Variants in PRELID2 observed in about 807,000 individuals in gnomAD.
PRELID2 encodes the protein PRELI domain containing 2, also known as PRELI domain-containing protein 2.
A neutral mutation model predicts 28.4 loss-of-function variants in PRELID2; 25 were observed. That is an observed-to-expected ratio of 0.88 (90% CI 0.64 to 1.23). PRELID2 has a LOEUF of 1.23. Ranked by LOEUF, PRELID2 falls within the 50% of genes most tolerant of loss-of-function variation. The pLI is 0.00. For synonymous variants in PRELID2, 76 were observed against 71.6 expected (o/e 1.06, Z -0.31); for missense variants, 201 against 214.4 (o/e 0.94, Z 0.39).
intron 5 of PRELID2, among the ~76,000 whole-genome samples, chr5:145,766,826 G>T (rs1446918161): frequency 6.6e-6 from 1 of 152,090 alleles, no homozygotes; most frequent in African/African-American, 2.4e-5. Flanking sequence ...TGGGATTAGT[G>T]CTTTCTATAC....
intron 1 of PRELID2, among the ~76,000 whole-genome samples, chr5:145,629,803 C>A (rs1434822110): frequency 6.6e-6 from 1 of 152,072 alleles, no homozygotes; most frequent in Non-Finnish European, 1.5e-5. Flanking sequence ...AAAATGCCTC[C>A]TTCGTAATGC....
chr5:145,385,183 T>C, the PRELID2 span, among the ~76,000 whole-genome samples: 1 of 152,330 alleles, frequency 6.6e-6, no homozygotes, highest in Admixed American at 6.5e-5. Flanking sequence ...TCCATAAAAG[T>C]ATTTAAAATT....
At chr5:145,801,791 T>C (rs1234604963) in intron 4 of PRELID2, among the ~76,000 whole-genome samples, 3 of 152,196 alleles carry the variant, frequency 2.0e-5, no homozygotes, top group African/African-American at 7.2e-5. Flanking sequence ...CTTAGCAACA[T>C]GTTAGATGGT....
At chr5:145,536,479 C>T (rs1752699698) in intron 1 of PRELID2, among the ~76,000 whole-genome samples, 1 of 151,928 alleles carries the variant, frequency 6.6e-6, no homozygotes, top group African/African-American at 2.4e-5. Context: ...AACTCTCAAC[C>T]TTGCACTACT....
intron 4 of PRELID2, among the ~76,000 whole-genome samples, chr5:145,813,249 G>T (rs115397818): frequency 0.015 from 2,318 of 152,252 alleles, 43 homozygotes; most frequent in African/African-American, 0.048. Context: ...ATTACTCTCA[G>T]ATTTCCTTAG....
At chr5:145,328,430 A>T in the PRELID2 span, among the ~76,000 whole-genome samples, 57 of 152,288 alleles carry the variant, frequency 3.7e-4, no homozygotes, top group African/African-American at 1.3e-3. Context: ...ATTTCTCCAC[A>T]TCCTCTCCAG....
intron 1 of PRELID2, among the ~76,000 whole-genome samples, chr5:145,677,413 C>T (rs1754842472): frequency 6.6e-6 from 1 of 151,944 alleles, no homozygotes; most frequent in Non-Finnish European, 1.5e-5. Flanking sequence ...CCTCGGCCTC[C>T]CAAAGTGTTG....
chr5:145,569,370 A>G (rs1752998304), intron 1 of PRELID2, among the ~76,000 whole-genome samples: 1 of 152,228 alleles, frequency 6.6e-6, no homozygotes, highest in Non-Finnish European at 1.5e-5. Context: ...CCAGCCCTTA[A>G]TTGTAATTTT....
At chr5:145,474,830 CA>C (rs892052719) in intron 1 of PRELID2, among the ~76,000 whole-genome samples, 10 of 151,924 alleles carry the variant, frequency 6.6e-5, no homozygotes, top group South Asian at 2.1e-4. Flanking sequence ...GGATCATTGA[CA>C]AAAAAATAGT....
intron 1 of PRELID2, among the ~76,000 whole-genome samples, chr5:145,662,027 G>A (rs1285107972): frequency 6.6e-6 from 1 of 151,880 alleles, no homozygotes; most frequent in East Asian, 1.9e-4. Flanking sequence ...GAATATACAG[G>A]ATTCTGTTTC....
the PRELID2 span, among the ~76,000 whole-genome samples, chr5:145,391,493 A>G: frequency 1.3e-5 from 2 of 152,166 alleles, no homozygotes; most frequent in South Asian, 4.1e-4. Context: ...GAGCAGAAGG[A>G]TCGCATGGCC....
At chr5:145,813,698 T>C (rs1418552673) in intron 4 of PRELID2, among the ~76,000 whole-genome samples, 3 of 152,084 alleles carry the variant, frequency 2.0e-5, no homozygotes, top group Non-Finnish European at 4.4e-5. Context: ...CTTGACATAG[T>C]AGGCATCAAT....
chr5:145,739,758 C>T (rs1756599285), intron 1 of PRELID2, among the ~76,000 whole-genome samples: 1 of 151,774 alleles, frequency 6.6e-6, no homozygotes, highest in South Asian at 2.1e-4. Context: ...AGTGATAAAA[C>T]AACCATATCC....
chr5:145,410,018 C>T, the PRELID2 span, among the ~76,000 whole-genome samples: 1 of 152,084 alleles, frequency 6.6e-6, no homozygotes, highest in Non-Finnish European at 1.5e-5. Context: ...ATACTTACAG[C>T]CAACTGATCT....
chr5:145,392,657 A>G, the PRELID2 span, among the ~76,000 whole-genome samples: 35,938 of 151,750 alleles, frequency 0.24, 4,474 homozygotes, highest in South Asian at 0.34. Context: ...AAAAATAGAC[A>G]TCACATAATG....
chr5:145,308,482 G>A, the PRELID2 span, among the ~76,000 whole-genome samples: 4 of 152,114 alleles, frequency 2.6e-5, no homozygotes, highest in African/African-American at 9.6e-5. Flanking sequence ...TGACTATACT[G>A]CAGAGTACTT....
chr5:145,322,811 G>A, the PRELID2 span, among the ~76,000 whole-genome samples: 1 of 152,010 alleles, frequency 6.6e-6, no homozygotes, highest in Non-Finnish European at 1.5e-5. Flanking sequence ...ACTTTGGGAG[G>A]CCGAGGTGGG....
rs992573267 is a variant in PRELID2, at chr5:145,732,841, G to A, written n.70+32090C>T. The stretch of plus-strand genomic sequence containing the variant: ...TAGCACAGGGGTAGGAGTGGAAATG[G>A]GGATGGGAAGTGAAGATTAAAATAT... On this transcript the variant is annotated intron_variant and non_coding_transcript_variant, in intron 1 of 2. Coordinates refer to the PRELID2 transcript ENST00000510259. Among the ~76,000 whole-genome samples, 12 of 152,282 alleles carry A rather than the reference G, an allele frequency of 7.9e-5. No homozygotes were observed. In the East Asian group the frequency reaches 2.3e-3, roughly 29 times the overall value.
At chr5:145,767,034 C>T (rs1223180103) in intron 5 of PRELID2, among the ~76,000 whole-genome samples, 1 of 152,090 alleles carries the variant, frequency 6.6e-6, no homozygotes, top group East Asian at 1.9e-4. Flanking sequence ...GTGAGGGCCA[C>T]ACCCTCAAGC....
Sources: gnomAD v4.1 joint callset for allele counts (sites outside exome capture counted in the v4.1 genomes callset) on GRCh38, gnomAD v4.1.1 for gene constraint, MANE v1.5 for transcripts, NCBI Gene and HGNC (gene_info 2026-07-23, HGNC 2026-07-21) for gene names.